The following RYR2 variants were observed in gnomAD, a reference collection of about 807,000 sequenced individuals.
The protein encoded by RYR2 is cardiac muscle ryanodine receptor-calcium release channel.
Under a neutral mutation model 601.1 loss-of-function variants are expected in RYR2, and 227 were observed. The observed-to-expected ratio is 0.38, with a 90% CI of 0.34 to 0.42. The LOEUF (loss-of-function observed/expected upper bound fraction) is 0.42. Among genes scored for constraint, RYR2 ranks in the 10% least tolerant of loss-of-function variants. The probability of loss-of-function intolerance (pLI) is 1.00; values close to 1 mark genes in which losing one functional copy is unlikely to be tolerated. For missense variants in RYR2, 4,646 were observed against 6,156.5 expected, an observed-to-expected ratio of 0.75 and a Z score of 8.21; for synonymous variants, 2,223 against 2,175.1, an observed-to-expected ratio of 1.02 and a Z score of -0.61.
chr1:237,533,850 G>GTTCT (rs1303841195), intron 25 of RYR2, among the ~76,000 whole-genome samples: 4 of 152,068 alleles, frequency 2.6e-5, no homozygotes, highest in African/African-American at 9.7e-5. Flanking sequence ...TGTTAGTAAT[G>GTTCT]TTCTAATTGT....
intron 8 of RYR2, among the ~76,000 whole-genome samples, chr1:237,383,700 A>T (rs1423813438): frequency 1.3e-5 from 2 of 151,916 alleles, no homozygotes; most frequent in Non-Finnish European, 2.9e-5. Flanking sequence ...AAGTGCTGGG[A>T]TTACAGGCGT....
intron 1 of RYR2, among the ~76,000 whole-genome samples, chr1:237,257,643 G>A (rs546751392): frequency 1.6e-4 from 25 of 152,282 alleles, no homozygotes; most frequent in Admixed American, 4.6e-4. Context: ...CTTTCTTCAT[G>A]CAGTGTGCGT....
chr1:237,235,884 G>C (rs1460688599), intron 1 of RYR2, among the ~76,000 whole-genome samples: 2 of 152,166 alleles, frequency 1.3e-5, no homozygotes, highest in Middle Eastern at 3.2e-3. Context: ...GCATATGTAT[G>C]TTGGAGGTTA....
At chr1:237,249,956 G>A (rs767181477) in intron 1 of RYR2, among the ~76,000 whole-genome samples, 2 of 152,140 alleles carry the variant, frequency 1.3e-5, no homozygotes, top group African/African-American at 2.4e-5. Context: ...GTTGTGAAGC[G>A]TGGTCCCAGT....
chr1:237,112,773 A>G (rs1669640605), intron 1 of RYR2, among the ~76,000 whole-genome samples: 2 of 152,046 alleles, frequency 1.3e-5, no homozygotes, highest in South Asian at 4.2e-4. Flanking sequence ...AGGAATGGGG[A>G]TCATGATTCT....
At chr1:237,667,821 A>G in intron 57 of RYR2, 62 bp from the exon 58 acceptor site, 1 of 1,243,088 alleles carries the variant, frequency 8.0e-7, no homozygotes, top group African/African-American at 1.5e-5. Flanking sequence ...AATATTATAT[A>G]TTAGAAAGCA....
At chr1:237,803,506 T>A (rs146924414) in intron 98 of RYR2, among the ~76,000 whole-genome samples, 1 of 152,082 alleles carries the variant, frequency 6.6e-6, no homozygotes, top group Non-Finnish European at 1.5e-5. Context: ...TTCACCATGT[T>A]AGCCAGGATG....
At chr1:237,344,839 G>A (rs946882346) in intron 3 of RYR2, among the ~76,000 whole-genome samples, 8 of 151,822 alleles carry the variant, frequency 5.3e-5, no homozygotes, top group Non-Finnish European at 1.0e-4. Flanking sequence ...ACAGAGTCTC[G>A]CTCTGTCACT....
intron 1 of RYR2, among the ~76,000 whole-genome samples, chr1:237,162,413 T>C (rs1676114826): frequency 6.6e-6 from 1 of 152,060 alleles, no homozygotes; most frequent in African/African-American, 2.4e-5. Context: ...CTCAAGGAGC[T>C]GAAAAATGGT....
rs1689891752 is a variant in RYR2, at chr1:237,723,133, G to A, written c.10560G>A (p.Glu3520=). ...CCTTTTCCTTTTTTCTGCAGTTGGAGGATCCTGCTATTAGATGGCAAATGG... is the reference window on the plus strand; with the variant it reads ...CCTTTTCCTTTTTTCTGCAGTTGGAAGATCCTGCTATTAGATGGCAAATGG... ...RSNIHLQGKL[E]DPAIRWQMAL... Residue 3520 remains glutamate, a synonymous_variant, in exon 74 of 105, where the codon GAG becomes GAA. Transcript: ENST00000366574. The A allele has an allele frequency of 6.2e-6, 10 of 1,604,362 alleles. No individual in the cohort carries two copies. The highest frequency in any genetic ancestry group is 8.5e-6 in the Non-Finnish European group (10 of 1,176,990).
intron 10 of RYR2, among the ~76,000 whole-genome samples, chr1:237,416,058 T>C (rs1704946225): frequency 6.6e-6 from 1 of 152,166 alleles, no homozygotes. Flanking sequence ...GTGAGAATGG[T>C]GTTAGAAAAA....
chr1:237,333,733 C>T, intron 3 of RYR2: 1 of 407,230 alleles, frequency 2.5e-6, no homozygotes, highest in Non-Finnish European at 4.9e-6. Flanking sequence ...CCTTTACACT[C>T]ATTATGGAAC....
At chr1:237,333,778 A>G (rs769325097) in intron 3 of RYR2, among the ~76,000 whole-genome samples, 4 of 152,144 alleles carry the variant, frequency 2.6e-5, no homozygotes, top group African/African-American at 7.2e-5. Flanking sequence ...TCAAATTACT[A>G]TCTCCAGGTT....
chr1:237,377,899 CT>C (rs1298718335), intron 8 of RYR2, among the ~76,000 whole-genome samples: 22 of 152,278 alleles, frequency 1.4e-4, no homozygotes, highest in African/African-American at 4.6e-4. Context: ...AGTTTGAAGT[CT>C]ATCATTGACA....
intron 80 of RYR2, among the ~76,000 whole-genome samples, chr1:237,752,462 TAA>T (rs11336558): frequency 4.7e-4 from 67 of 142,926 alleles, no homozygotes; most frequent in African/African-American, 4.4e-4. Flanking sequence ...TTTATTTAAT[TAA>T]AAAAAAAAAA....
intron 2 of RYR2, among the ~76,000 whole-genome samples, chr1:237,289,430 G>A (rs1350512342): frequency 6.6e-6 from 1 of 152,184 alleles, no homozygotes. Context: ...CAGTTCCACA[G>A]GGCTGGGGAG....
intron 48 of RYR2, among the ~76,000 whole-genome samples, chr1:237,643,807 G>A (rs947926381): frequency 6.6e-6 from 1 of 151,882 alleles, no homozygotes. Context: ...GTAGAGATGG[G>A]GTTTCACCGT....
At chr1:237,293,963 AC>A (rs1188733199) in intron 2 of RYR2, among the ~76,000 whole-genome samples, 1 of 151,410 alleles carries the variant, frequency 6.6e-6, no homozygotes, top group African/African-American at 2.4e-5. Flanking sequence ...TAAAGTTCTG[AC>A]CCCCCAGTTG....
chr1:237,093,075 T>C (rs1248354573), intron 1 of RYR2, among the ~76,000 whole-genome samples: 1 of 152,182 alleles, frequency 6.6e-6, no homozygotes, highest in Non-Finnish European at 1.5e-5. Context: ...CACATGTGGT[T>C]ATTAAATTCT....
Sources: allele counts gnomAD v4.1 joint callset (sites outside exome capture counted in the v4.1 genomes callset), GRCh38; gene constraint gnomAD v4.1.1; transcripts MANE v1.5; gene names NCBI Gene and HGNC (gene_info 2026-07-23, HGNC 2026-07-21).